The following PLD5 variants were observed in gnomAD, a reference collection of about 807,000 sequenced individuals.
The protein encoded by PLD5 is phospholipase D family member 5.
PLD5 carries 36 observed loss-of-function variants against 61.1 expected under a neutral mutation model. The observed-to-expected ratio is 0.59, with a 90% CI of 0.45 to 0.78. PLD5 has a LOEUF of 0.78. Among genes scored for constraint, PLD5 ranks in the 30% least tolerant of loss-of-function variants. The pLI is 0.00. For missense variants in PLD5, 515 were observed against 644.4 expected, an observed-to-expected ratio of 0.80 and a Z score of 2.17; for synonymous variants, 243 against 242.8, an observed-to-expected ratio of 1.00 and a Z score of -0.01.
rs1043344055 is a variant in PLD5, at chr1:242,394,017, G to A, written c.190-45775C>T. On this transcript the variant is annotated intron_variant, in intron 1 of 9. Transcript: ENST00000536534. ...GGAGGTTGCAGTGAGCTGAGATCACGCCACTGAACTCCAGCCTGGATAAGA... is the reference window on the plus strand; with the variant it reads ...GGAGGTTGCAGTGAGCTGAGATCACACCACTGAACTCCAGCCTGGATAAGA... 7.7e-5 allele frequency among the ~76,000 whole-genome samples: 11 copies of A among 143,544 alleles called. 2 individuals carry two copies. Among genetic ancestry groups the A allele is most frequent in the South Asian group, 2.2e-4 (1 of 4,454 alleles). 94.2% of individuals were successfully genotyped at this position (143,544 alleles called of 152,430 possible).
chr1:242,348,870 C>T (rs150442301), intron 1 of PLD5, among the ~76,000 whole-genome samples: 2,410 of 152,212 alleles, frequency 0.016, 53 homozygotes, highest in African/African-American at 0.051. Flanking sequence ...CTGGCTAACA[C>T]GGTGAAACCC....
At chr1:242,354,819 T>C (rs1355363923) in intron 1 of PLD5, among the ~76,000 whole-genome samples, 8 of 151,770 alleles carry the variant, frequency 5.3e-5, no homozygotes, top group Non-Finnish European at 7.4e-5. Flanking sequence ...TTTGAGTGTT[T>C]TTTTTTTTAC....
chr1:242,179,661 G>C (rs867150875), intron 5 of PLD5, among the ~76,000 whole-genome samples: 5 of 152,176 alleles, frequency 3.3e-5, no homozygotes, highest in Admixed American at 6.5e-5. Context: ...CCAGCATTTT[G>C]GGAGGCCGAG....
intron 4 of PLD5, among the ~76,000 whole-genome samples, chr1:242,248,803 C>T (rs1229048973): frequency 6.6e-6 from 1 of 152,156 alleles, no homozygotes; most frequent in African/African-American, 2.4e-5. Context: ...TGTATCTCCA[C>T]ACTCCCTCTG....
intron 4 of PLD5, among the ~76,000 whole-genome samples, chr1:242,255,402 A>G (rs2149088679): frequency 6.6e-6 from 1 of 152,304 alleles, no homozygotes; most frequent in East Asian, 1.9e-4. Flanking sequence ...GCTATCCTCC[A>G]CTGATTTGGA....
intron 2 of PLD5, among the ~76,000 whole-genome samples, chr1:242,336,888 A>C (rs34887600): frequency 0.76 from 115,908 of 152,158 alleles, 45,283 homozygotes; most frequent in Non-Finnish European, 0.85. Flanking sequence ...GGGATCTCTG[A>C]CCTATACGTT....
At chr1:242,377,251 C>T (rs557193831) in intron 1 of PLD5, 18 of 1,610,762 alleles carry the variant, frequency 1.1e-5, no homozygotes, top group Admixed American at 3.3e-5. Flanking sequence ...TGCTGAGGGA[C>T]GTGTTCGTGG....
At chr1:242,297,392 A>C (rs973890345) in intron 2 of PLD5, among the ~76,000 whole-genome samples, 136 of 108,140 alleles carry the variant, frequency 1.3e-3, no homozygotes, top group Non-Finnish European at 1.5e-3. Flanking sequence ...TTTTCCTATC[A>C]CCCTTCAAGA....
intron 8 of PLD5, among the ~76,000 whole-genome samples, chr1:242,106,844 A>G (rs370157333): frequency 2.0e-5 from 3 of 152,200 alleles, no homozygotes; most frequent in African/African-American, 7.2e-5. Flanking sequence ...CTAAAGGATC[A>G]GTGGTTATGA....
chr1:242,307,766 C>T (rs1158170571), intron 2 of PLD5, among the ~76,000 whole-genome samples: 1 of 151,960 alleles, frequency 6.6e-6, no homozygotes, highest in East Asian at 1.9e-4. Context: ...CTTTTGCTAT[C>T]TAATAAAACG....
intron 1 of PLD5, among the ~76,000 whole-genome samples, chr1:242,433,461 A>G (rs929665627): frequency 2.0e-5 from 3 of 152,198 alleles, no homozygotes; most frequent in Non-Finnish European, 4.4e-5. Flanking sequence ...CAGCAATCTA[A>G]ACATATTGTT....
intron 3 of PLD5, among the ~76,000 whole-genome samples, chr1:242,268,894 G>T (rs183946345): frequency 3.9e-4 from 60 of 152,198 alleles, no homozygotes; most frequent in African/African-American, 1.4e-3. Context: ...CCAGACTGGG[G>T]TGCAGTGATG....
chr1:242,438,248 C>A (rs1666096204), intron 1 of PLD5, among the ~76,000 whole-genome samples: 1 of 150,974 alleles, frequency 6.6e-6, no homozygotes. Flanking sequence ...TGGTTGCTTG[C>A]ACATTAGAAA....
intron 1 of PLD5, among the ~76,000 whole-genome samples, chr1:242,453,095 C>T (rs1002122719): frequency 6.6e-6 from 1 of 152,154 alleles, no homozygotes; most frequent in Non-Finnish European, 1.5e-5. Context: ...ATCCCCAGCT[C>T]GATGGTGTTA....
intron 1 of PLD5, among the ~76,000 whole-genome samples, chr1:242,404,875 ATTTTTTT>A (rs11361107): frequency 2.7e-5 from 2 of 75,398 alleles, no homozygotes; most frequent in South Asian, 5.1e-4. Context: ...TTCCCTGCTA[ATTTTTTT>A]TTTTTTTTTT....
rs538017669 is a variant in PLD5 at position 242,520,807 on chromosome 1, G to A, written c.189+3281C>T. ...TACCTCCAAAGCAACCCAGCCCTAG[G>A]GAGGCTGCAAGAGCAGGGGTGGATT... On this transcript the variant is annotated intron_variant, in intron 1 of 9. Transcript: ENST00000536534. 1.8e-4 allele frequency among the ~76,000 whole-genome samples: 27 copies of A among 152,274 alleles called. No homozygotes were observed. In the South Asian group the frequency reaches 3.9e-3, roughly 22 times the overall value.
chr1:242,278,719 A>C (rs1166898546), intron 3 of PLD5, among the ~76,000 whole-genome samples: 2 of 152,174 alleles, frequency 1.3e-5, no homozygotes, highest in African/African-American at 4.8e-5. Context: ...AGCTCTATGG[A>C]GGTAGCGACC....
At chr1:242,271,201 CAGAGAGAGAGAG>C (rs60075638) in intron 3 of PLD5, among the ~76,000 whole-genome samples, 2,743 of 102,010 alleles carry the variant, frequency 0.027, 175 homozygotes, top group African/African-American at 0.096. Context: ...CACACACACA[CAGAGAGAGAGAG>C]AGAGAGAGAG....
chr1:242,163,214 G>A (rs904508452), intron 5 of PLD5, among the ~76,000 whole-genome samples: 1 of 149,686 alleles, frequency 6.7e-6, no homozygotes, highest in East Asian at 2.0e-4. Context: ...CGCGATCTCG[G>A]CTCACTGCAA....
Sources: gnomAD v4.1 joint callset for allele counts (sites outside exome capture counted in the v4.1 genomes callset) on GRCh38, gnomAD v4.1.1 for gene constraint, MANE v1.5 for transcripts, NCBI Gene and HGNC (gene_info 2026-07-23, HGNC 2026-07-21) for gene names.